Variants in IQGAP1 observed in about 807,000 individuals in gnomAD.
The protein encoded by IQGAP1 is ras GTPase-activating-like protein IQGAP1.
Under a neutral mutation model 215.6 loss-of-function variants are expected in IQGAP1, and 66 were observed. The ratio of observed to expected loss-of-function variants is 0.31; its 90% CI spans 0.25 to 0.38. The LOEUF (loss-of-function observed/expected upper bound fraction) is 0.38, where lower values mean the gene tolerates loss of function less well. Ranked by LOEUF, IQGAP1 falls within the 10% of genes least tolerant of loss-of-function variation. The pLI is 1.00. For synonymous variants in IQGAP1, 772 were observed against 728.7 expected, an observed-to-expected ratio of 1.06 and a Z score of -0.96; for missense variants, 1,712 against 1,997.1, an observed-to-expected ratio of 0.86 and a Z score of 2.72.
At chr15:90,448,811 T>C (rs529217821) in intron 10 of IQGAP1, 75 bp downstream of exon 10, 40 of 1,237,428 alleles carry the variant, frequency 3.2e-5, no homozygotes, top group Non-Finnish European at 4.0e-5. Flanking sequence ...TTTAAAGATA[T>C]ATATGCTGCC....
At chr15:90,453,366 A>G in intron 13 of IQGAP1, 74 bp downstream of exon 13, 1 of 1,168,852 alleles carries the variant, frequency 8.6e-7, no homozygotes, top group Non-Finnish European at 1.2e-6. Context: ...CAGTGCTCCG[A>G]TTTTCTTTGC....
intron 9 of IQGAP1, among the ~76,000 whole-genome samples, chr15:90,444,573 C>T (rs1694594334): frequency 6.6e-6 from 1 of 152,124 alleles, no homozygotes; most frequent in Non-Finnish European, 1.5e-5. Context: ...CATGAGCCAC[C>T]TTGCCCAGCC....
At chr15:90,492,803 A>G in intron 35 of IQGAP1, 92 bp downstream of exon 35, 1 of 969,130 alleles carries the variant, frequency 1.0e-6, no homozygotes, top group Non-Finnish European at 1.5e-6. Flanking sequence ...TTTTTACTTA[A>G]AATACACTGG....
Position 90,440,549 on chromosome 15 carries a change from C to G in IQGAP1, c.583C>G (p.Gln195Glu), listed in dbSNP as rs1207308684. The change falls in exon 7 of 38, where the codon CAG becomes GAG. Residue 195 changes from glutamine (Q) to glutamate (E), a missense_variant. Physicochemically the swap from Gln to Glu is conservative, Grantham distance 29. Around this residue, in one of 2 missense-constraint regions of IQGAP1, gnomAD observed 1,021 missense variants for 1,074.2 expected, o/e 0.95. Coordinates refer to ENST00000268182, the MANE Select transcript of IQGAP1 (RefSeq NM_003870.4). ...MKTELEKYGI[Q>E]MPAFSKIGGI... ...GACTGAGTTGGAGAAGTATGGCATC[C>G]AGATGCCTGCCTTTAGCAAGATTGG... 6.4e-7 allele frequency: 1 copy of G among 1,571,600 alleles called. No homozygotes were observed. The highest frequency in any genetic ancestry group is 8.6e-7 in the Non-Finnish European group (1 of 1,156,740).
chr15:90,417,424 A>G (rs1362055975), intron 2 of IQGAP1, among the ~76,000 whole-genome samples: 1 of 152,132 alleles, frequency 6.6e-6, no homozygotes, highest in Non-Finnish European at 1.5e-5. Flanking sequence ...CTTTCTACAT[A>G]TGGCTAGCCA....
chr15:90,492,852 C>A, intron 35 of IQGAP1, 141 bp downstream of exon 35: 2 of 673,220 alleles, frequency 3.0e-6, no homozygotes, highest in Non-Finnish European at 4.9e-6. Flanking sequence ...TACCTCTAAT[C>A]ATTTGTGTAA....
chr15:90,422,660 G>A (rs191193100), intron 2 of IQGAP1, among the ~76,000 whole-genome samples: 4,750 of 84,584 alleles, frequency 0.056, 276 homozygotes, highest in East Asian at 0.087. Context: ...ATATATATAT[G>A]TATATATATA....
chr15:90,448,326 G>A (rs572802347), intron 9 of IQGAP1, among the ~76,000 whole-genome samples: 52 of 152,314 alleles, frequency 3.4e-4, no homozygotes, highest in Middle Eastern at 3.4e-3. Context: ...AAGTTTTTAA[G>A]TAGGCTGGGA....
chr15:90,490,360 G>A (rs1303574212), intron 33 of IQGAP1, among the ~76,000 whole-genome samples: 1 of 152,234 alleles, frequency 6.6e-6, no homozygotes, highest in Non-Finnish European at 1.5e-5. Flanking sequence ...CAGGGGAATG[G>A]TAATTGGTGA....
chr15:90,440,997 C>T (rs1306264547), intron 7 of IQGAP1, among the ~76,000 whole-genome samples: 1 of 151,962 alleles, frequency 6.6e-6, no homozygotes, highest in Non-Finnish European at 1.5e-5. Context: ...ATCCCAGCTA[C>T]TCGGGAGGCT....
chr15:90,393,150 T>C (rs1046597653), intron 2 of IQGAP1, among the ~76,000 whole-genome samples: 4 of 145,294 alleles, frequency 2.8e-5, no homozygotes, highest in African/African-American at 5.3e-5. Context: ...ACCATAGAGA[T>C]TGTGGTTCAG....
chr15:90,483,930 G>A (rs1966091443), intron 29 of IQGAP1, among the ~76,000 whole-genome samples: 2 of 152,198 alleles, frequency 1.3e-5, no homozygotes, highest in South Asian at 4.1e-4. Flanking sequence ...GTGCTTCAGA[G>A]CACTGTCTTA....
In IQGAP1 at chr15:90,399,216, T is replaced by A. The variant is rs926539399; in HGVS notation, c.155+8343T>A. ...GGGCTCAGGCTATCCTTCGCTAAAG[T>A]GCTGGGATACAGGCGTGAGCAGCCA... On this transcript the variant is annotated intron_variant, in intron 2 of 37. Transcript: ENST00000268182. Among the ~76,000 whole-genome samples the A allele has an allele frequency of 2.0e-5, 3 of 152,040 alleles. No homozygotes were observed. In the East Asian group the frequency reaches 5.8e-4, roughly 29 times the overall value.
chr15:90,397,806 A>T (rs1354389473), intron 2 of IQGAP1: 1 of 150,680 alleles, frequency 6.6e-6, no homozygotes, highest in South Asian at 2.1e-4. Context: ...GTGAGCCACC[A>T]CGCCCGGCCT....
chr15:90,492,465 A>T, intron 34 of IQGAP1, 80 bp from the exon 35 acceptor site: 59 of 743,214 alleles, frequency 7.9e-5, no homozygotes, highest in Non-Finnish European at 1.0e-4. Context: ...TTTAAGGCAG[A>T]GTTAAGCATT....
chr15:90,473,678 G>A (rs1480641937), intron 19 of IQGAP1, 37 bp from the exon 20 acceptor site: 1 of 1,416,028 alleles, frequency 7.1e-7, no homozygotes, highest in Non-Finnish European at 9.9e-7. Context: ...TGATGCTTGG[G>A]AAGTAATATG....
chr15:90,427,312 A>G (rs1427141370), intron 3 of IQGAP1, among the ~76,000 whole-genome samples: 2 of 152,180 alleles, frequency 1.3e-5, no homozygotes, highest in Admixed American at 6.5e-5. Flanking sequence ...CTTCATGAAA[A>G]AACATCACCC....
chr15:90,407,465 AC>A (rs1964895601), intron 2 of IQGAP1, among the ~76,000 whole-genome samples: 1 of 152,190 alleles, frequency 6.6e-6, no homozygotes, highest in Non-Finnish European at 1.5e-5. Context: ...GGGGAACAGA[AC>A]TAGACAATGG....
At chr15:90,459,889 CAG>C (rs1234028137) in intron 15 of IQGAP1, among the ~76,000 whole-genome samples, 1 of 152,146 alleles carries the variant, frequency 6.6e-6, no homozygotes, top group Non-Finnish European at 1.5e-5. Flanking sequence ...GTTTTGGTAT[CAG>C]GGTAATACTG....
Sources: allele counts gnomAD v4.1 joint callset (sites outside exome capture counted in the v4.1 genomes callset), GRCh38; gene constraint gnomAD v4.1.1; regional missense constraint gnomAD v4.1.1; transcripts MANE v1.5; gene names NCBI Gene and HGNC (gene_info 2026-07-23, HGNC 2026-07-21).